Variants in CDKN2B-AS1 observed in about 807,000 individuals in gnomAD.
CDKN2B-AS1 encodes CDKN2B and CDKN2A antisense cis and trans regulatory RNA 1, also known as CDKN2B antisense RNA 1 (non-protein coding).
intron 1 of CDKN2B-AS1, among the ~76,000 whole-genome samples, chr9:22,038,552 T>TCCCAAG (rs1399413001): frequency 2.0e-5 from 3 of 152,024 alleles, no homozygotes; most frequent in Non-Finnish European, 4.4e-5. Flanking sequence ...ATATCCATAC[T>TCCCAAG]TGGGATGGAT....
chr9:22,088,421 A>G (rs1824939473), intron 4 of CDKN2B-AS1, among the ~76,000 whole-genome samples: 1 of 142,940 alleles, frequency 7.0e-6, no homozygotes. Flanking sequence ...GCACAATTGC[A>G]CACATACACA....
intron 1 of CDKN2B-AS1, among the ~76,000 whole-genome samples, chr9:21,998,021 C>A (rs985551068): frequency 6.6e-6 from 1 of 152,086 alleles, no homozygotes; most frequent in Non-Finnish European, 1.5e-5. Context: ...CAGAGGAATG[C>A]CATCTGAATA....
intron 4 of CDKN2B-AS1, among the ~76,000 whole-genome samples, chr9:22,123,092 G>T (rs1826133886): frequency 6.6e-6 from 1 of 151,822 alleles, no homozygotes; most frequent in Non-Finnish European, 1.5e-5. Flanking sequence ...TTTATTCCTT[G>T]GTATTTTATT....
chr9:22,063,011 A>C (rs1823889684), intron 4 of CDKN2B-AS1, among the ~76,000 whole-genome samples: 1 of 151,520 alleles, frequency 6.6e-6, no homozygotes, highest in Non-Finnish European at 1.5e-5. Flanking sequence ...AGAGAGAGAG[A>C]GAGAGAGAGA....
At chr9:22,067,893 C>T (rs1824125422) in intron 4 of CDKN2B-AS1, among the ~76,000 whole-genome samples, 1 of 152,088 alleles carries the variant, frequency 6.6e-6, no homozygotes, top group Admixed American at 6.5e-5. Context: ...CCAAATTTGC[C>T]TTTTCTCTTA....
At chr9:22,063,169 G>A (rs1823895913) in intron 4 of CDKN2B-AS1, among the ~76,000 whole-genome samples, 2 of 152,038 alleles carry the variant, frequency 1.3e-5, no homozygotes, top group African/African-American at 4.8e-5. Context: ...GATAACTGAA[G>A]CTATAGGAGC....
chr9:22,077,991 T>G (rs979564137), intron 4 of CDKN2B-AS1: 3 of 152,204 alleles, frequency 2.0e-5, no homozygotes, highest in African/African-American at 7.2e-5. Flanking sequence ...GCTTCATATT[T>G]TTAAGTTTTT....
chr9:22,047,430 C>A (rs1823153102), intron 2 of CDKN2B-AS1, among the ~76,000 whole-genome samples: 1 of 152,156 alleles, frequency 6.6e-6, no homozygotes, highest in African/African-American at 2.4e-5. Flanking sequence ...TAAAGAGGCA[C>A]CCTTTCACTA....
chr9:22,072,206 A>G (rs529649533), intron 4 of CDKN2B-AS1, among the ~76,000 whole-genome samples: 11 of 152,322 alleles, frequency 7.2e-5, no homozygotes, highest in Middle Eastern at 3.4e-3. Flanking sequence ...AAAATTTGCT[A>G]GCAATTTTCT....
At chr9:22,099,685 G>T (rs148516790) in intron 4 of CDKN2B-AS1, among the ~76,000 whole-genome samples, 1 of 152,168 alleles carries the variant, frequency 6.6e-6, no homozygotes, top group Non-Finnish European at 1.5e-5. Context: ...GAGATGGTGG[G>T]GTGGTAAAGA....
At chr9:22,041,617 A>C (rs1303439902) in intron 1 of CDKN2B-AS1, among the ~76,000 whole-genome samples, 1 of 151,982 alleles carries the variant, frequency 6.6e-6, no homozygotes, top group East Asian at 2.0e-4. Context: ...AAGCTCTCTG[A>C]ATCTACTGCT....
chr9:22,040,389 T>C (rs1241945520), intron 1 of CDKN2B-AS1, among the ~76,000 whole-genome samples: 5 of 152,010 alleles, frequency 3.3e-5, no homozygotes, highest in African/African-American at 1.2e-4. Context: ...ACAAATCAAT[T>C]TGACTCCAAA....
intron 4 of CDKN2B-AS1, among the ~76,000 whole-genome samples, chr9:22,103,302 C>T (rs573180901): frequency 6.6e-6 from 1 of 152,048 alleles, no homozygotes; most frequent in South Asian, 2.1e-4. Context: ...TTAGTGTTGC[C>T]CTGCTAAGAT....
intron 1 of CDKN2B-AS1, among the ~76,000 whole-genome samples, chr9:22,012,976 A>G (rs1341537773): frequency 3.9e-5 from 6 of 152,218 alleles, no homozygotes; most frequent in African/African-American, 1.4e-4. Context: ...AATACCACAG[A>G]CTGAGTAGCT....
chr9:22,090,230 T>A (rs1005971474), intron 4 of CDKN2B-AS1, among the ~76,000 whole-genome samples: 7 of 152,174 alleles, frequency 4.6e-5, no homozygotes, highest in African/African-American at 2.4e-5. Context: ...TCTATCATTG[T>A]TGGACATTTG....
chr9:22,076,295 C>A (rs1400490753), intron 4 of CDKN2B-AS1, among the ~76,000 whole-genome samples: 2 of 152,098 alleles, frequency 1.3e-5, no homozygotes, highest in African/African-American at 4.8e-5. Context: ...CTCAGGTGAT[C>A]CACCCGCCTG....
rs1199739225 is a variant in CDKN2B-AS1, at chr9:22,001,010, C to T, written n.29+5849C>T. On this transcript the variant is annotated intron_variant and non_coding_transcript_variant, in intron 1 of 4. Coordinates refer to ENST00000650946, the Ensembl canonical transcript of CDKN2B-AS1. This position sits in a 1 kb window ranked among gnomAD's most constrained non-coding sequence, Gnocchi z 4.2. ...ATTATCAGGGAGACCCAGTTTTTAG[C>T]CAAGACTAAAAGGTTTTAGCCAAGG... Among the ~76,000 whole-genome samples, 1 of 152,030 alleles carries T rather than the reference C, an allele frequency of 6.6e-6. No homozygotes were observed. Among genetic ancestry groups the T allele is most frequent in the Admixed American group, 6.6e-5 (1 of 15,256 alleles).
intron 1 of CDKN2B-AS1, among the ~76,000 whole-genome samples, chr9:22,045,896 T>C (rs1056704689): frequency 6.6e-6 from 1 of 152,156 alleles, no homozygotes; most frequent in African/African-American, 2.4e-5. Flanking sequence ...ATATTTTATA[T>C]GTACCTATAA....
chr9:22,091,646 A>G (rs1261268890), intron 4 of CDKN2B-AS1, among the ~76,000 whole-genome samples: 1 of 152,162 alleles, frequency 6.6e-6, no homozygotes, highest in Non-Finnish European at 1.5e-5. Context: ...GTGTATAAGA[A>G]TGCTTGTGAT....
Sources: allele counts gnomAD v4.1 joint callset (sites outside exome capture counted in the v4.1 genomes callset), GRCh38; gene constraint gnomAD v4.1.1; non-coding constraint Gnocchi (gnomAD v3.1); transcripts MANE v1.5; gene names NCBI Gene and HGNC (gene_info 2026-07-23, HGNC 2026-07-21).